Variants in SHCBP1L observed in about 807,000 individuals in gnomAD.
SHCBP1L encodes testicular spindle-associated protein SHCBP1L.
A neutral mutation model predicts 62.5 loss-of-function variants in SHCBP1L; 67 were observed. That is an observed-to-expected ratio of 1.07 (90% CI 0.88 to 1.31). The LOEUF is 1.31. Ranked by LOEUF, SHCBP1L falls within the 40% of genes most tolerant of loss-of-function variation. The probability of loss-of-function intolerance (pLI) is 0.00; values close to 1 mark genes in which losing one functional copy is unlikely to be tolerated. For missense variants in SHCBP1L, 823 were observed against 809.8 expected (o/e 1.02, Z -0.20); for synonymous variants, 284 against 289.4 (o/e 0.98, Z 0.19).
chr1:182,925,710 T>C lies in SHCBP1L; in HGVS notation c.1182+3937A>G, dbSNP rs1650723374. Among the ~76,000 whole-genome samples the C allele has an allele frequency of 3.9e-5, 6 of 152,174 alleles. No individual in the cohort carries two copies. In the South Asian group the frequency reaches 1.0e-3, roughly 26 times the overall value. ...CCCAGTAATTCTAGTCTTTGGTATA[T>C]ACCCCAAAGAATCGAAAACAAGTAG... is the stretch of plus-strand genomic sequence containing the variant. On this transcript the variant is annotated intron_variant, in intron 6 of 9. Coordinates refer to ENST00000367547, the MANE Select transcript of SHCBP1L (RefSeq NM_030933.4).
chr1:182,918,211 C>CACATATATATACACATATATATAT (rs1310476433), intron 6 of SHCBP1L, among the ~76,000 whole-genome samples: 84 of 146,502 alleles, frequency 5.7e-4, no homozygotes, highest in African/African-American at 1.3e-3. Context: ...CATATATATA[C>CACATATATATACACATATATATAT]ACATATATAT....
intron 6 of SHCBP1L, among the ~76,000 whole-genome samples, chr1:182,928,292 A>C (rs2101940736): frequency 6.6e-6 from 1 of 152,252 alleles, no homozygotes; most frequent in African/African-American, 2.4e-5. Context: ...ATTGCTGGGC[A>C]CCTACCATGT....
intron 6 of SHCBP1L, among the ~76,000 whole-genome samples, chr1:182,926,113 A>T (rs753292160): frequency 8.5e-5 from 13 of 152,194 alleles, no homozygotes; most frequent in Admixed American, 2.0e-4. Flanking sequence ...AACCAGACAG[A>T]TGTACACAGC....
chr1:182,952,695 CCGA>C, intron 1 of SHCBP1L, 31 bp downstream of exon 1: 2 of 1,558,320 alleles, frequency 1.3e-6, no homozygotes, highest in Non-Finnish European at 1.7e-6. Context: ...CGACGAGCTT[CCGA>C]CCGTAGTCTT....
chr1:182,944,826 T>C (rs1223120336), intron 2 of SHCBP1L, among the ~76,000 whole-genome samples: 3 of 152,176 alleles, frequency 2.0e-5, no homozygotes, highest in Non-Finnish European at 4.4e-5. Flanking sequence ...TTTATCTTAA[T>C]ATGTTTGAAA....
chr1:182,903,574 CCTTT>C (rs1164580071), intron 8 of SHCBP1L, among the ~76,000 whole-genome samples: 1 of 152,068 alleles, frequency 6.6e-6, no homozygotes, highest in African/African-American at 2.4e-5. Context: ...TTTTCTACTT[CCTTT>C]AATTCTTTTT....
intron 6 of SHCBP1L, among the ~76,000 whole-genome samples, chr1:182,922,286 G>C (rs756547714): frequency 6.6e-6 from 1 of 152,078 alleles, no homozygotes; most frequent in Non-Finnish European, 1.5e-5. Context: ...AACTCTACAC[G>C]ACCAAATGGA....
At chr1:182,925,009 G>GAAAA in intron 6 of SHCBP1L, among the ~76,000 whole-genome samples, 1 of 143,766 alleles carries the variant, frequency 7.0e-6, no homozygotes, top group South Asian at 2.3e-4. Flanking sequence ...AGGAAGAAAG[G>GAAAA]AAGGAAGGGG....
intron 6 of SHCBP1L, among the ~76,000 whole-genome samples, chr1:182,924,724 G>A (rs1217620637): frequency 1.6e-5 from 1 of 61,232 alleles, no homozygotes; most frequent in Non-Finnish European, 2.6e-5. Flanking sequence ...AAGAAAGAAA[G>A]AAAGAAAGAA....
At chr1:182,912,286 G>GA (rs1197819027) in intron 6 of SHCBP1L, among the ~76,000 whole-genome samples, 2 of 151,914 alleles carry the variant, frequency 1.3e-5, no homozygotes, top group East Asian at 1.9e-4. Context: ...CCACAAAAAA[G>GA]AAAAAAAGAG....
At chr1:182,921,706 G>A (rs1366078027) in intron 6 of SHCBP1L, among the ~76,000 whole-genome samples, 1 of 152,164 alleles carries the variant, frequency 6.6e-6, no homozygotes, top group Non-Finnish European at 1.5e-5. Context: ...AGGAATTCGA[G>A]ACCAGCTTGG....
chr1:182,948,171 G>GC (rs1438469168), intron 2 of SHCBP1L, among the ~76,000 whole-genome samples: 1 of 152,122 alleles, frequency 6.6e-6, no homozygotes, highest in African/African-American at 2.4e-5. Context: ...ACTGTGCAGG[G>GC]CCCTGCACTG....
intron 2 of SHCBP1L, among the ~76,000 whole-genome samples, chr1:182,941,301 T>C (rs1184203752): frequency 1.3e-5 from 2 of 149,344 alleles, no homozygotes; most frequent in Admixed American, 6.7e-5. Flanking sequence ...GTAAAATTCT[T>C]TTTTTTTTCA....
intron 6 of SHCBP1L, among the ~76,000 whole-genome samples, chr1:182,913,837 C>T (rs113961646): frequency 6.6e-6 from 1 of 152,194 alleles, no homozygotes; most frequent in African/African-American, 2.4e-5. Context: ...AAAAATTAAC[C>T]AGATGTGGTG....
In SHCBP1L at chr1:182,904,337, AG is replaced by A; in HGVS notation, c.1429del (p.Leu477TyrfsTer3). The A allele has an allele frequency of 6.2e-7, 1 of 1,614,184 alleles. No homozygotes were observed. Among genetic ancestry groups the A allele is most frequent in the Non-Finnish European group, 8.5e-7 (1 of 1,180,038 alleles). ...SKADNVKLMH[L>X]SLIQQGTVDG... ...AACCGTCCCTTGTTGTATCAAAGAT[AG>A]ATGCATTAGTTTCACATTGTCAGCT... is the stretch of plus-strand genomic sequence containing the variant. On this transcript the variant is annotated frameshift_variant, in exon 8 of 10. Transcript: ENST00000367547. LOFTEE classifies it high-confidence loss of function.
At chr1:182,923,361 A>G (rs1650581380) in intron 6 of SHCBP1L, among the ~76,000 whole-genome samples, 1 of 152,168 alleles carries the variant, frequency 6.6e-6, no homozygotes, top group Admixed American at 6.5e-5. Context: ...TCCCTAACTC[A>G]TTCTTTGAGG....
intron 6 of SHCBP1L, among the ~76,000 whole-genome samples, chr1:182,909,595 A>T (rs1182773863): frequency 6.6e-6 from 1 of 152,204 alleles, no homozygotes; most frequent in Non-Finnish European, 1.5e-5. Context: ...TTTCAACCAA[A>T]CACACATCAA....
At chr1:182,934,946 T>G (rs1420935160) in intron 5 of SHCBP1L, among the ~76,000 whole-genome samples, 1 of 152,146 alleles carries the variant, frequency 6.6e-6, no homozygotes, top group Non-Finnish European at 1.5e-5. Flanking sequence ...CTTTTGCCCT[T>G]TGTCAAGTCA....
chr1:182,924,797 A>AGAGAGAAAGGAAGGAAGG (rs1557996930), intron 6 of SHCBP1L, among the ~76,000 whole-genome samples: 8 of 122,822 alleles, frequency 6.5e-5, no homozygotes, highest in African/African-American at 3.1e-4. Context: ...AGAGAGAAAG[A>AGAGAGAAAGGAAGGAAGG]AAGGAAGGAA....
Sources: gnomAD v4.1 joint callset for allele counts (sites outside exome capture counted in the v4.1 genomes callset) on GRCh38, gnomAD v4.1.1 for gene constraint, MANE v1.5 for transcripts, NCBI Gene and HGNC (gene_info 2026-07-23, HGNC 2026-07-21) for gene names.